PRKCE: variants seen among roughly 807,000 people sequenced by gnomAD.
PRKCE encodes protein kinase C epsilon, also known as protein kinase C epsilon type.
Under a neutral mutation model 85.4 loss-of-function variants are expected in PRKCE, and 16 were observed. The observed-to-expected ratio is 0.19, with a 90% CI of 0.13 to 0.28. The LOEUF is 0.28. PRKCE is among the 10% of genes least tolerant of loss of function. PRKCE has a pLI of 1.00. For synonymous variants in PRKCE, 388 were observed against 371.5 expected, an observed-to-expected ratio of 1.04 and a Z score of -0.51; for missense variants, 573 against 975.2, an observed-to-expected ratio of 0.59 and a Z score of 5.49.
chr2:45,861,421 G>C (rs1045927041), intron 2 of PRKCE, among the ~76,000 whole-genome samples: 1 of 152,070 alleles, frequency 6.6e-6, no homozygotes, highest in South Asian at 2.1e-4. Context: ...CTGCAGTAAT[G>C]TTTTACAACC....
intron 1 of PRKCE, among the ~76,000 whole-genome samples, chr2:45,797,621 A>G (rs1405161041): frequency 6.6e-6 from 1 of 152,238 alleles, no homozygotes; most frequent in East Asian, 1.9e-4. Context: ...GACAAGGAAC[A>G]TTTAAACTGA....
At chr2:46,053,632 T>C (rs1308525348) in intron 10 of PRKCE, among the ~76,000 whole-genome samples, 2 of 152,202 alleles carry the variant, frequency 1.3e-5, no homozygotes, top group East Asian at 3.9e-4. Context: ...CCTATTTCAC[T>C]TAGCACCGTG....
intron 6 of PRKCE, among the ~76,000 whole-genome samples, chr2:45,991,336 C>A (rs549149389): frequency 3.2e-4 from 49 of 151,952 alleles, no homozygotes; most frequent in Non-Finnish European, 6.5e-4. Context: ...CTCTCCCAAT[C>A]CAAATACAAG....
chr2:45,685,474 G>T (rs1163723707), intron 1 of PRKCE: 41 of 152,138 alleles, frequency 2.7e-4, no homozygotes, highest in Non-Finnish European at 4.4e-5. Context: ...TTACTATCGT[G>T]CCAGGAGGGA....
At chr2:45,988,112 G>T (rs1270547828) in intron 6 of PRKCE, among the ~76,000 whole-genome samples, 1 of 152,184 alleles carries the variant, frequency 6.6e-6, no homozygotes, top group Non-Finnish European at 1.5e-5. Flanking sequence ...ACTCAGCCAG[G>T]CTTTCTGTCT....
chr2:45,794,845 A>AACCCCCCCCCCCC (rs1687296127), intron 1 of PRKCE, among the ~76,000 whole-genome samples: 1 of 122,572 alleles, frequency 8.2e-6, no homozygotes, highest in African/African-American at 3.0e-5. Context: ...TTATTGCCCT[A>AACCCCCCCCCCCC]CCCCCCCCCC....
At chr2:46,047,075 C>T (rs947260437) in intron 10 of PRKCE, among the ~76,000 whole-genome samples, 6 of 152,136 alleles carry the variant, frequency 3.9e-5, no homozygotes, top group African/African-American at 9.7e-5. Context: ...ATCTGATATT[C>T]GAGAAATGAT....
At chr2:46,116,121 G>A (rs968189094) in intron 11 of PRKCE, among the ~76,000 whole-genome samples, 3 of 152,168 alleles carry the variant, frequency 2.0e-5, no homozygotes, top group African/African-American at 4.8e-5. Flanking sequence ...GTTTTTATTA[G>A]TCTTGTCTCC....
At chr2:45,991,842 G>A (rs774897691) in intron 6 of PRKCE, among the ~76,000 whole-genome samples, 7 of 152,238 alleles carry the variant, frequency 4.6e-5, no homozygotes, top group Middle Eastern at 3.4e-3. Flanking sequence ...CCTTTTCATT[G>A]ACGTTTAATT....
Position 46,151,021 on chromosome 2 carries a change from A to T in PRKCE, c.1732-20A>T, listed in dbSNP as rs1311636594. On this transcript the variant is annotated intron_variant, in intron 12 of 14. Coordinates refer to ENST00000306156, the MANE Select transcript of PRKCE (RefSeq NM_005400.3). ...GTGGGAGCCTTTGATGGTGCCTGACATTGCTGGTTTCCTGAACAGATCCTG... is the reference window on the plus strand; with the variant it reads ...GTGGGAGCCTTTGATGGTGCCTGACTTTGCTGGTTTCCTGAACAGATCCTG... The T allele has an allele frequency of 6.3e-7, 1 of 1,585,382 alleles. No homozygotes were observed. Among genetic ancestry groups the T allele is most frequent in the African/African-American group, 1.3e-5 (1 of 74,736 alleles).
rs1478348748 is a variant in PRKCE, at chr2:45,697,740, T to G, written c.348+45292T>G. ...CCTGTTTCACAGCCCCTCTCTTACT[T>G]TGAGGTTCCCATTTCCAGACTGAAA... On this transcript the variant is annotated intron_variant, in intron 1 of 14. Coordinates refer to ENST00000306156, the MANE Select transcript of PRKCE (RefSeq NM_005400.3). The surrounding 1 kb of genome is among the most constrained non-coding windows in gnomAD (Gnocchi z 4.2). Among the ~76,000 whole-genome samples, 1 of 152,178 alleles carries G rather than the reference T, an allele frequency of 6.6e-6. No individual in the cohort carries two copies. The highest frequency in any genetic ancestry group is 1.5e-5 in the Non-Finnish European group (1 of 68,030).
chr2:46,155,128 C>T lies in PRKCE; in HGVS notation c.1920+3899C>T, dbSNP rs1489837583. Among the ~76,000 whole-genome samples, 2 of 152,182 alleles carry T rather than the reference C, an allele frequency of 1.3e-5. No homozygotes were observed. Among genetic ancestry groups the T allele is most frequent in the African/African-American group, 2.4e-5 (1 of 41,440 alleles). On this transcript the variant is annotated intron_variant, in intron 13 of 14. Coordinates refer to ENST00000306156, the MANE Select transcript of PRKCE (RefSeq NM_005400.3). This position sits in a 1 kb window ranked among gnomAD's most constrained non-coding sequence, Gnocchi z 4.7. ...AGGGTAAACGGAGACCCCTCATGAT[C>T]CCCCAGCAGCAACGAGGACTTCACC...
intron 1 of PRKCE, among the ~76,000 whole-genome samples, chr2:45,657,711 C>T (rs1675442554): frequency 6.6e-6 from 1 of 152,204 alleles, no homozygotes; most frequent in Non-Finnish European, 1.5e-5. Context: ...CCAAGTAGCC[C>T]ATCGGCAAAG....
chr2:45,922,702 A>C (rs917139998), intron 2 of PRKCE, among the ~76,000 whole-genome samples: 1 of 152,118 alleles, frequency 6.6e-6, no homozygotes, highest in Non-Finnish European at 1.5e-5. Flanking sequence ...TCTTTAATAG[A>C]GACGTGTGAG....
intron 11 of PRKCE, among the ~76,000 whole-genome samples, chr2:46,142,735 TG>T: frequency 6.6e-6 from 1 of 152,332 alleles, no homozygotes; most frequent in South Asian, 2.1e-4. Flanking sequence ...GAGCAGGAGC[TG>T]GGGAGCAGTG....
At chr2:46,012,741 G>A (rs1705792287) in intron 10 of PRKCE, among the ~76,000 whole-genome samples, 1 of 152,242 alleles carries the variant, frequency 6.6e-6, no homozygotes, top group Non-Finnish European at 1.5e-5. Flanking sequence ...GAGTGAGGGA[G>A]TGGGAATGGA....
At chr2:45,915,751 T>C (rs1161920649) in intron 2 of PRKCE, among the ~76,000 whole-genome samples, 1 of 152,314 alleles carries the variant, frequency 6.6e-6, no homozygotes, top group Admixed American at 6.5e-5. Context: ...GTGCCCTTGG[T>C]CTCATGTACA....
intron 2 of PRKCE, among the ~76,000 whole-genome samples, chr2:45,914,448 C>T (rs1427169293): frequency 6.6e-6 from 1 of 152,128 alleles, no homozygotes; most frequent in Non-Finnish European, 1.5e-5. Context: ...TGCTGTAGAT[C>T]TAGATTTAGG....
At chr2:45,750,411 A>C (rs1038303202) in intron 1 of PRKCE, among the ~76,000 whole-genome samples, 1 of 152,152 alleles carries the variant, frequency 6.6e-6, no homozygotes, top group Non-Finnish European at 1.5e-5. Context: ...CTGTTGATTT[A>C]AGCACTTATA....
Sources: gnomAD v4.1 joint callset for allele counts (sites outside exome capture counted in the v4.1 genomes callset) on GRCh38, gnomAD v4.1.1 for gene constraint, Gnocchi (gnomAD v3.1) non-coding constraint, MANE v1.5 for transcripts, NCBI Gene and HGNC (gene_info 2026-07-23, HGNC 2026-07-21) for gene names.